The following FGF12 variants were observed in gnomAD, a reference collection of about 807,000 sequenced individuals.
The protein encoded by FGF12 is fibroblast growth factor 12, also known as fibroblast growth factor 12B.
Under a neutral mutation model 23.6 loss-of-function variants are expected in FGF12, and 14 were observed. The ratio of observed to expected loss-of-function variants is 0.59; its 90% CI spans 0.39 to 0.93. The LOEUF (loss-of-function observed/expected upper bound fraction) is 0.93, where lower values mean the gene tolerates loss of function less well. FGF12 is among the 40% of genes least tolerant of loss of function. The pLI, the probability that FGF12 is intolerant of heterozygous loss-of-function variation, is 0.00. For missense variants in FGF12, 175 were observed against 217.8 expected (o/e 0.80, Z 1.24); for synonymous variants, 62 against 77.3 (o/e 0.80, Z 1.04).
chr3:192,601,211 T>C (rs774380951), intron 2 of FGF12, among the ~76,000 whole-genome samples: 5 of 152,028 alleles, frequency 3.3e-5, no homozygotes, highest in African/African-American at 1.2e-4. Context: ...AAGTTAAAGT[T>C]CTCAATCATA....
Position 192,290,922 on chromosome 3 carries a change from A to G in FGF12, c.228+44439T>C, listed in dbSNP as rs1714722368. Among the ~76,000 whole-genome samples the G allele has an allele frequency of 3.3e-5, 5 of 152,330 alleles. No homozygotes were observed. In the South Asian group the frequency reaches 1.0e-3, roughly 32 times the overall value. ...GGACACATACAAAAAATATGTATAT[A>G]ACATACATGTATATACACACATACA... On this transcript the variant is annotated intron_variant, in intron 4 of 5. Transcript: ENST00000445105.
intron 2 of FGF12, among the ~76,000 whole-genome samples, chr3:192,399,311 C>T (rs1006655027): frequency 6.6e-6 from 1 of 152,122 alleles, no homozygotes; most frequent in African/African-American, 2.4e-5. Context: ...AGCTCCCTTG[C>T]CCCTTCTGCC....
In FGF12 at chr3:192,360,428, T is replaced by C. The variant is rs1718665044; in HGVS notation, c.124A>G (p.Thr42Ala). Residue 42 changes from threonine to alanine, a missense_variant and splice_region_variant, in exon 3 of 6, where the codon ACT (threonine) becomes GCT (alanine). By Grantham distance (58) the Thr-to-Ala change is moderately conservative. Coordinates refer to ENST00000445105, the MANE Select transcript of FGF12 (RefSeq NM_004113.6). The surrounding 1 kb of genome is among the most constrained non-coding windows in gnomAD (Gnocchi z 4.3). Reference protein sequence around the residue: ...DGTKDENSDYTLFNLIPVGLR... With the variant: ...DGTKDENSDYALFNLIPVGLR... ...ATTGTAAGAAGCTAATGTTTCTTAC[T>C]GTAGTCGCTGTTTTCGTCCTTGGTC... The C allele has an allele frequency of 6.3e-7, 1 of 1,592,872 alleles. No homozygotes were observed. Among genetic ancestry groups the C allele is most frequent in the African/African-American group, 1.3e-5 (1 of 74,634 alleles).
Position 192,321,162 on chromosome 3 carries a change from C to T in FGF12, c.228+14199G>A, listed in dbSNP as rs145718203. Among the ~76,000 whole-genome samples the T allele has an allele frequency of 1.1e-3, 163 of 152,046 alleles. 1 individual carries two copies. Among genetic ancestry groups the T allele is most frequent in the African/African-American group, 3.8e-3 (156 of 41,502 alleles). ...CTACCACAGAAATTCAAAGGATCAC[C>T]AGTGGCTACTATAAGCAACTACACA... is the stretch of plus-strand genomic sequence containing the variant. On this transcript the variant is annotated intron_variant, in intron 4 of 5. Transcript: ENST00000445105.
chr3:192,255,641 T>C (rs1712336119), intron 4 of FGF12, among the ~76,000 whole-genome samples: 1 of 152,098 alleles, frequency 6.6e-6, no homozygotes. Context: ...TTATTTGCAA[T>C]CTCTGATTAG....
intron 4 of FGF12, among the ~76,000 whole-genome samples, chr3:192,331,334 A>C (rs113679362): frequency 0.11 from 15,237 of 143,944 alleles, 1,380 homozygotes; most frequent in African/African-American, 0.24. Flanking sequence ...AAAAAAAAAC[A>C]AAAACAAAAA....
intron 2 of FGF12, among the ~76,000 whole-genome samples, chr3:192,577,927 T>C (rs1391406787): frequency 1.3e-5 from 2 of 151,962 alleles, no homozygotes; most frequent in Non-Finnish European, 2.9e-5. Context: ...CAAAAGAAAA[T>C]GCTCTTTTTA....
chr3:192,202,130 G>A (rs2108663040), intron 4 of FGF12, among the ~76,000 whole-genome samples: 1 of 152,190 alleles, frequency 6.6e-6, no homozygotes, highest in Middle Eastern at 3.4e-3. Flanking sequence ...CTTAAGTGGA[G>A]TGGTATTTGA....
chr3:192,570,813 T>C (rs1712599159), intron 2 of FGF12, among the ~76,000 whole-genome samples: 2 of 152,234 alleles, frequency 1.3e-5, no homozygotes, highest in Admixed American at 6.5e-5. Flanking sequence ...AGTAATAATA[T>C]GTATAAGAAA....
chr3:192,355,453 T>A (rs571569173), intron 3 of FGF12, among the ~76,000 whole-genome samples: 1 of 152,298 alleles, frequency 6.6e-6, no homozygotes, highest in South Asian at 2.1e-4. Flanking sequence ...CAGGTGGCAA[T>A]GGAGGGTGTG....
rs145998743 is a variant in FGF12 at position 192,142,133 on chromosome 3, T to G, written c.*1876A>C. Reference sequence around the variant, plus strand: ...TAAACAAATATCTCTTGCAAATGTATCTTCAAAATCTTTGCCTACATGCAT... The same window carrying G: ...TAAACAAATATCTCTTGCAAATGTAGCTTCAAAATCTTTGCCTACATGCAT... On this transcript the variant is annotated 3_prime_UTR_variant, in exon 6 of 6. Transcript: ENST00000445105. 5 of 152,670 alleles carry G rather than the reference T, an allele frequency of 3.3e-5. No homozygotes were observed. Among genetic ancestry groups the G allele is most frequent in the African/African-American group, 1.2e-4 (5 of 41,582 alleles). 9.5% of individuals were successfully genotyped at this position (152,670 alleles called of 1,614,324 possible). A position where few individuals can be genotyped will look rare whatever the true frequency, so the allele number is the denominator to read the frequency against.
intron 4 of FGF12, among the ~76,000 whole-genome samples, chr3:192,193,577 A>G (rs1168566657): frequency 5.3e-5 from 8 of 152,226 alleles, no homozygotes; most frequent in Non-Finnish European, 1.2e-4. Flanking sequence ...TCTTCTCTTG[A>G]AGATTAATGA....
At chr3:192,523,640 A>G (rs1371804851) in intron 2 of FGF12, among the ~76,000 whole-genome samples, 1 of 152,256 alleles carries the variant, frequency 6.6e-6, no homozygotes, top group African/African-American at 2.4e-5. Context: ...ATCAAATTTT[A>G]TAAGATACTA....
At chr3:192,246,723 G>A (rs1461237758) in intron 4 of FGF12, among the ~76,000 whole-genome samples, 1 of 151,410 alleles carries the variant, frequency 6.6e-6, no homozygotes, top group Non-Finnish European at 1.5e-5. Context: ...TACTCAGAAG[G>A]CTGAGGCAGG....
chr3:192,676,590 T>C (rs1717334332), intron 2 of FGF12, among the ~76,000 whole-genome samples: 1 of 152,240 alleles, frequency 6.6e-6, no homozygotes, highest in Non-Finnish European at 1.5e-5. Flanking sequence ...GTTGAATTCC[T>C]CACCTACAGT....
chr3:192,204,110 A>G (rs911494420), intron 4 of FGF12, among the ~76,000 whole-genome samples: 1 of 152,196 alleles, frequency 6.6e-6, no homozygotes, highest in African/African-American at 2.4e-5. Flanking sequence ...CAATTTGTCT[A>G]GGTATTAGAT....
chr3:192,419,082 G>A (rs995141958), intron 2 of FGF12, among the ~76,000 whole-genome samples: 1 of 152,172 alleles, frequency 6.6e-6, no homozygotes, highest in African/African-American at 2.4e-5. Flanking sequence ...TTGATTAATT[G>A]TCTGAAATAT....
At position 192,233,608 on chromosome 3, in the gene FGF12, A is replaced by T. The variant is rs1418593826; in HGVS notation, c.229-62952T>A. ...TGCAATTACTTTTGCAGACTTTGTG[A>T]TGAAACCTTTGCCAAGGTCATGTCC... On this transcript the variant is annotated intron_variant, in intron 4 of 5. Transcript: ENST00000445105. 2.0e-5 allele frequency among the ~76,000 whole-genome samples: 3 copies of T among 152,256 alleles called. No individual in the cohort carries two copies. In the East Asian group the frequency reaches 5.8e-4, roughly 29 times the overall value.
chr3:192,638,122 G>A (rs1450881894), intron 2 of FGF12, among the ~76,000 whole-genome samples: 1 of 152,074 alleles, frequency 6.6e-6, no homozygotes, highest in Non-Finnish European at 1.5e-5. Context: ...GTCTATATAT[G>A]TGTGTGTATA....
Sources: allele counts gnomAD v4.1 joint callset (sites outside exome capture counted in the v4.1 genomes callset), GRCh38; gene constraint gnomAD v4.1.1; non-coding constraint Gnocchi (gnomAD v3.1); transcripts MANE v1.5; gene names NCBI Gene and HGNC (gene_info 2026-07-23, HGNC 2026-07-21).